The following PRKCH variants were observed in gnomAD, a reference collection of about 807,000 sequenced individuals.
PRKCH encodes protein kinase C eta type.
Under a neutral mutation model 82.5 loss-of-function variants are expected in PRKCH, and 28 were observed. That is an observed-to-expected ratio of 0.34 (90% confidence interval 0.25 to 0.47). The LOEUF is 0.47. Ranked by LOEUF, PRKCH falls within the 20% of genes least tolerant of loss-of-function variation. The probability of loss-of-function intolerance (pLI) is 1.00; values close to 1 mark genes in which losing one functional copy is unlikely to be tolerated. For missense variants in PRKCH, 705 were observed against 881.8 expected, an observed-to-expected ratio of 0.80 and a Z score of 2.54; for synonymous variants, 322 against 327.4, an observed-to-expected ratio of 0.98 and a Z score of 0.18.
intron 2 of PRKCH, among the ~76,000 whole-genome samples, chr14:61,422,232 T>C (rs942178911): frequency 6.6e-6 from 1 of 152,086 alleles, no homozygotes; most frequent in Non-Finnish European, 1.5e-5. Flanking sequence ...TATAGGCATG[T>C]ACTACCATGC....
At chr14:61,460,150 T>G (rs191283999) in intron 9 of PRKCH, among the ~76,000 whole-genome samples, 1 of 152,080 alleles carries the variant, frequency 6.6e-6, no homozygotes. Flanking sequence ...CCTGGCCACT[T>G]TATTTTTTTA....
chr14:61,210,788 C>CTGTGTGTGTGTGTG (rs1210521677), intron 1 of PRKCH, among the ~76,000 whole-genome samples: 65 of 131,714 alleles, frequency 4.9e-4, no homozygotes, highest in African/African-American at 1.8e-3. Flanking sequence ...CTCTCTCTCT[C>CTGTGTGTGTGTGTG]TCTGTGTGTG....
At chr14:61,194,365 CT>C (rs1555368294) in intron 1 of PRKCH, among the ~76,000 whole-genome samples, 1 of 152,102 alleles carries the variant, frequency 6.6e-6, no homozygotes, top group Non-Finnish European at 1.5e-5. Flanking sequence ...GGAGATGGGA[CT>C]TTTGGGGGGC....
At chr14:61,516,426 T>C (rs936855051) in intron 10 of PRKCH, among the ~76,000 whole-genome samples, 1 of 152,184 alleles carries the variant, frequency 6.6e-6, no homozygotes. Context: ...CTGTTTACTT[T>C]TAAGATCTTA....
chr14:61,263,801 T>C (rs2045070881), intron 1 of PRKCH, among the ~76,000 whole-genome samples: 1 of 151,724 alleles, frequency 6.6e-6, no homozygotes. Context: ...AAATTTAGAA[T>C]ATACGAGCAG....
intron 6 of PRKCH, 50 bp from the exon 7 acceptor site, chr14:61,453,176 T>C: frequency 6.2e-7 from 1 of 1,610,172 alleles, no homozygotes; most frequent in Non-Finnish European, 8.5e-7. Context: ...GCAGCACATG[T>C]TGAATTGGTT....
rs1043035290 is a variant in PRKCH at position 61,485,450 on chromosome 14, C to T, written c.1279-52C>T. ...CTTAGGCAATATGCTGCTGATGGAGCTCTAGGTTAATTGCTACACCACATT... is the reference window on the plus strand; with the variant it reads ...CTTAGGCAATATGCTGCTGATGGAGTTCTAGGTTAATTGCTACACCACATT... On this transcript the variant is annotated intron_variant, in intron 9 of 13. Coordinates refer to ENST00000332981, the MANE Select transcript of PRKCH (RefSeq NM_006255.5). 6.9e-6 allele frequency: 11 copies of T among 1,588,158 alleles called. No homozygotes were observed. In the Admixed American group the frequency reaches 1.2e-4, roughly 17 times the overall value.
intron 1 of PRKCH, among the ~76,000 whole-genome samples, chr14:61,329,886 G>A (rs1490577675): frequency 6.6e-6 from 1 of 152,168 alleles, no homozygotes; most frequent in African/African-American, 2.4e-5. Flanking sequence ...GGAGTTCAGG[G>A]TGTAGTTGTT....
chr14:61,284,192 G>A (rs1475676508), intron 1 of PRKCH, among the ~76,000 whole-genome samples: 1 of 152,214 alleles, frequency 6.6e-6, no homozygotes, highest in Admixed American at 6.5e-5. Context: ...GAATGCAGCT[G>A]GGTATTGGGC....
chr14:61,428,036 T>TAG (rs1469581750), intron 2 of PRKCH, among the ~76,000 whole-genome samples: 26 of 137,926 alleles, frequency 1.9e-4, no homozygotes, highest in Admixed American at 2.9e-4. Context: ...TCCACAAATA[T>TAG]ATATATATAG....
At chr14:61,196,709 G>A (rs184028904) in intron 1 of PRKCH, among the ~76,000 whole-genome samples, 4 of 152,204 alleles carry the variant, frequency 2.6e-5, no homozygotes, top group South Asian at 4.1e-4. Context: ...ACCAGTACAC[G>A]TTAAGAACAC....
chr14:61,272,503 G>A (rs1428599092), intron 1 of PRKCH, among the ~76,000 whole-genome samples: 3 of 150,930 alleles, frequency 2.0e-5, no homozygotes, highest in South Asian at 2.1e-4. Flanking sequence ...ACAGGCACAC[G>A]CCACCACGGC....
chr14:61,218,917 G>A (rs1288861169), intron 1 of PRKCH, among the ~76,000 whole-genome samples: 6 of 152,232 alleles, frequency 3.9e-5, no homozygotes, highest in East Asian at 3.9e-4. Context: ...CCTATCCCCC[G>A]ACTGCCCTCC....
In PRKCH at chr14:61,437,124, C is replaced by T. The variant is rs117299807; in HGVS notation, c.428-5987C>T. Among the ~76,000 whole-genome samples the T allele has an allele frequency of 2.3e-3, 356 of 152,190 alleles. 3 individuals are homozygous for T. Among genetic ancestry groups the T allele is most frequent in the Non-Finnish European group, 3.1e-3 (211 of 68,004 alleles). ...ATATAAAACCAGGATTGTAAAATAC[C>T]GTTGTATTTCCAGTTGTAAATAGCC... On this transcript the variant is annotated intron_variant, in intron 2 of 13. Coordinates refer to ENST00000332981, the MANE Select transcript of PRKCH (RefSeq NM_006255.5).
At chr14:61,493,231 T>TA (rs1886531609) in intron 10 of PRKCH, among the ~76,000 whole-genome samples, 1 of 152,156 alleles carries the variant, frequency 6.6e-6, no homozygotes, top group South Asian at 2.1e-4. Context: ...TGGAGGTAGG[T>TA]AGTCCAGCCC....
At chr14:61,357,973 G>A (rs2046173648) in intron 1 of PRKCH, among the ~76,000 whole-genome samples, 1 of 152,146 alleles carries the variant, frequency 6.6e-6, no homozygotes, top group Admixed American at 6.5e-5. Flanking sequence ...TGTCATGTGA[G>A]TATCTGAAAG....
chr14:61,231,957 A>T (rs756571723), intron 1 of PRKCH, among the ~76,000 whole-genome samples: 6 of 152,186 alleles, frequency 3.9e-5, no homozygotes, highest in Non-Finnish European at 7.4e-5. Flanking sequence ...CGCCAGCTGG[A>T]TGTCCTCTAA....
intron 1 of PRKCH, among the ~76,000 whole-genome samples, chr14:61,218,492 T>C (rs2044631135): frequency 6.6e-6 from 1 of 152,192 alleles, no homozygotes; most frequent in Non-Finnish European, 1.5e-5. Context: ...ACCAGATTTA[T>C]GGGCACAAAT....
chr14:61,290,273 CAGAG>C (rs996788675), intron 1 of PRKCH, among the ~76,000 whole-genome samples: 9 of 149,944 alleles, frequency 6.0e-5, no homozygotes, highest in African/African-American at 1.7e-4. Context: ...GCCTGGGCGA[CAGAG>C]AGAGACTCCA....
Sources: gnomAD v4.1 joint callset for allele counts (sites outside exome capture counted in the v4.1 genomes callset) on GRCh38, gnomAD v4.1.1 for gene constraint, MANE v1.5 for transcripts, NCBI Gene and HGNC (gene_info 2026-07-23, HGNC 2026-07-21) for gene names.